Variants in MTAP observed in about 807,000 individuals in gnomAD.
The protein encoded by MTAP is methylthioadenosine phosphorylase.
A neutral mutation model predicts 33.6 loss-of-function variants in MTAP; 33 were observed. The ratio of observed to expected loss-of-function variants is 0.98; its 90% CI spans 0.74 to 1.31. MTAP has a LOEUF of 1.31. Among genes scored for constraint, MTAP ranks in the 40% most tolerant of loss-of-function variants. MTAP has a pLI of 0.00. For missense variants in MTAP, 367 were observed against 360.0 expected, an observed-to-expected ratio of 1.02 and a Z score of -0.16; for synonymous variants, 148 against 125.7, an observed-to-expected ratio of 1.18 and a Z score of -1.19.
At chr9:21,888,823 C>A (rs1414788392) in intron 1 of MTAP, among the ~76,000 whole-genome samples, 3 of 151,736 alleles carry the variant, frequency 2.0e-5, no homozygotes, top group African/African-American at 7.3e-5. Flanking sequence ...AAGATCATCA[C>A]CTAGACACAT....
intron 1 of MTAP, among the ~76,000 whole-genome samples, chr9:21,924,693 C>T (rs1278419182): frequency 6.6e-6 from 1 of 152,178 alleles, no homozygotes; most frequent in Admixed American, 6.5e-5. Context: ...ACCCTTTGGC[C>T]CCATTATATC....
intron 1 of MTAP, among the ~76,000 whole-genome samples, chr9:21,908,312 A>G (rs1451460745): frequency 2.6e-5 from 4 of 152,012 alleles, no homozygotes; most frequent in Admixed American, 6.5e-5. Context: ...ATTCCATTCT[A>G]TTGCTAAATA....
Position 21,864,192 on chromosome 9 carries a change from C to T in MTAP, c.*2178C>T. 2 of 985,416 alleles carry T rather than the reference C, an allele frequency of 2.0e-6. No homozygotes were observed. Among genetic ancestry groups the T allele is most frequent in the Non-Finnish European group, 2.4e-6 (2 of 829,920 alleles). The allele number at this position is 985,416 out of a possible 1,614,324, so 61.0% of individuals were successfully genotyped here. A position where few individuals can be genotyped will look rare whatever the true frequency, so the allele number is the denominator to read the frequency against. On this transcript the variant is annotated 3_prime_UTR_variant, in exon 8 of 8. Transcript: ENST00000644715. Reference sequence around the variant, plus strand: ...ATTAAATAGCCTTCTCTAGCAACATCATTTTCAGACTAACTAAATGAATGC... The same window carrying T: ...ATTAAATAGCCTTCTCTAGCAACATTATTTTCAGACTAACTAAATGAATGC...
chr9:21,908,267 G>C (rs1818506223), intron 1 of MTAP, among the ~76,000 whole-genome samples: 1 of 152,230 alleles, frequency 6.6e-6, no homozygotes, highest in Non-Finnish European at 1.5e-5. Flanking sequence ...ACTCTGTGGA[G>C]ATTCACCTAG....
chr9:21,897,231 C>G (rs1384755870), intron 1 of MTAP, among the ~76,000 whole-genome samples: 1 of 152,156 alleles, frequency 6.6e-6, no homozygotes, highest in Non-Finnish European at 1.5e-5. Flanking sequence ...GGATGTATCT[C>G]AAAATGATAA....
rs538351229 is a variant in MTAP, at chr9:21,806,175, A to G, written c.33+3394A>G. ...TACAGAATAGCCTGTGGGCAGGGGA[A>G]GAGCTAAGAGATCAGGCCAGAAGTC... On this transcript the variant is annotated intron_variant, in intron 1 of 7. Transcript: ENST00000644715. Among the ~76,000 whole-genome samples the G allele has an allele frequency of 5.3e-5, 8 of 152,240 alleles. No individual in the cohort carries two copies. The East Asian group carries it at 1.5e-3, about 29-fold the overall frequency.
intron 1 of MTAP, among the ~76,000 whole-genome samples, chr9:21,915,030 TCCTTCCTTCCTTCCTTCC>T (rs1348192980): frequency 4.8e-5 from 5 of 103,470 alleles, no homozygotes; most frequent in African/African-American, 2.6e-4. Flanking sequence ...CTTCCTTCCT[TCCTTCCTTCCTTCCTTCC>T]TTCCTTCCTT....
chr9:21,913,548 A>G (rs987823205), intron 1 of MTAP, among the ~76,000 whole-genome samples: 1 of 152,220 alleles, frequency 6.6e-6, no homozygotes, highest in East Asian at 1.9e-4. Context: ...TATTTAATAA[A>G]TGGTGCTGGG....
At chr9:21,856,072 C>T (rs1029052671) in intron 6 of MTAP, 146 of 729,174 alleles carry the variant, frequency 2.0e-4, no homozygotes, top group Non-Finnish European at 2.4e-4. Flanking sequence ...ATCTAATTTT[C>T]ACCTCTTTCT....
chr9:21,832,005 C>G (rs960121551), intron 4 of MTAP, among the ~76,000 whole-genome samples: 4 of 152,122 alleles, frequency 2.6e-5, no homozygotes, highest in Non-Finnish European at 4.4e-5. Context: ...CTGGCTGTGC[C>G]GTGAAATTCC....
intron 3 of MTAP, 55 bp downstream of exon 3, chr9:21,816,827 C>T: frequency 2.1e-6 from 3 of 1,462,220 alleles, no homozygotes; most frequent in Non-Finnish European, 2.8e-6. Flanking sequence ...TTAAATTTAA[C>T]TTAAATTCTG....
intron 1 of MTAP, among the ~76,000 whole-genome samples, chr9:21,889,220 C>A (rs1303435960): frequency 6.6e-6 from 1 of 151,942 alleles, no homozygotes; most frequent in East Asian, 1.9e-4. Context: ...AATTCAAAAG[C>A]CTTGTCCTCA....
At chr9:21,844,795 G>T (rs1213031000) in intron 5 of MTAP, among the ~76,000 whole-genome samples, 1 of 152,182 alleles carries the variant, frequency 6.6e-6, no homozygotes, top group Non-Finnish European at 1.5e-5. Context: ...AGCACTTTGG[G>T]AGGCCAAGGC....
At chr9:21,875,676 G>A (rs1276296425) in intron 1 of MTAP, among the ~76,000 whole-genome samples, 2 of 152,030 alleles carry the variant, frequency 1.3e-5, no homozygotes, top group African/African-American at 4.8e-5. Flanking sequence ...ACTTTACTAA[G>A]GATAATGGCA....
chr9:21,822,999 C>G (rs1371157998), intron 4 of MTAP, among the ~76,000 whole-genome samples: 1 of 152,170 alleles, frequency 6.6e-6, no homozygotes, highest in Non-Finnish European at 1.5e-5. Context: ...TCCTCCATCC[C>G]TTTATTTTGA....
chr9:21,907,885 C>T (rs1414428018), intron 1 of MTAP, among the ~76,000 whole-genome samples: 1 of 152,016 alleles, frequency 6.6e-6, no homozygotes, highest in African/African-American at 2.4e-5. Context: ...AAATAATAGA[C>T]TGATCTTGGG....
At chr9:21,854,919 C>T in intron 6 of MTAP, 49 bp downstream of exon 6, 4 of 1,597,858 alleles carry the variant, frequency 2.5e-6, no homozygotes, top group Non-Finnish European at 3.4e-6. Context: ...TTCTGGGTGC[C>T]AATAGGGTGT....
At chr9:21,889,606 C>T (rs533796175) in intron 1 of MTAP, among the ~76,000 whole-genome samples, 1 of 152,114 alleles carries the variant, frequency 6.6e-6, no homozygotes, top group African/African-American at 2.4e-5. Flanking sequence ...CCTATCCCCC[C>T]ACTTCCCCTA....
intron 1 of MTAP, among the ~76,000 whole-genome samples, chr9:21,902,030 T>C (rs1279338205): frequency 2.0e-5 from 3 of 152,182 alleles, no homozygotes; most frequent in South Asian, 4.1e-4. Context: ...GAGAAATAGC[T>C]TTCAGTCTGG....
Sources: allele counts gnomAD v4.1 joint callset (sites outside exome capture counted in the v4.1 genomes callset), GRCh38; gene constraint gnomAD v4.1.1; transcripts MANE v1.5; gene names NCBI Gene and HGNC (gene_info 2026-07-23, HGNC 2026-07-21).